The following SLC23A2 variants were observed in gnomAD, a reference collection of about 807,000 sequenced individuals.
SLC23A2 encodes Na(+)/L-ascorbic acid transporter 2.
A neutral mutation model predicts 73.3 loss-of-function variants in SLC23A2; 36 were observed. That is an observed-to-expected ratio of 0.49 (90% confidence interval 0.38 to 0.65). The LOEUF (loss-of-function observed/expected upper bound fraction) is 0.65. Ranked by LOEUF, SLC23A2 falls within the 30% of genes least tolerant of loss-of-function variation. The pLI is 0.00. For synonymous variants in SLC23A2, 343 were observed against 327.3 expected, an observed-to-expected ratio of 1.05 and a Z score of -0.52; for missense variants, 507 against 841.6, an observed-to-expected ratio of 0.60 and a Z score of 4.92.
intron 2 of SLC23A2, among the ~76,000 whole-genome samples, chr20:4,949,388 C>A (rs576808024): frequency 6.6e-6 from 1 of 151,672 alleles, no homozygotes; most frequent in African/African-American, 2.4e-5. Context: ...TTACTTACAT[C>A]GTTTTTACTT....
chr20:4,989,715 AC>A (rs1329030221), intron 1 of SLC23A2, among the ~76,000 whole-genome samples: 1 of 151,984 alleles, frequency 6.6e-6, no homozygotes, highest in Non-Finnish European at 1.5e-5. Flanking sequence ...TTTGACTGCA[AC>A]CCATGACATG....
rs559680581 is a variant in SLC23A2, at chr20:4,947,169, G to A, written c.-154-14453C>T. 4.9e-4 allele frequency among the ~76,000 whole-genome samples: 75 copies of A among 152,092 alleles called. No homozygotes were observed. Among genetic ancestry groups the A allele is most frequent in the African/African-American group, 1.8e-3 (74 of 41,496 alleles). On this transcript the variant is annotated intron_variant, in intron 2 of 16. Transcript: ENST00000338244. This position sits in a 1 kb window ranked among gnomAD's most constrained non-coding sequence, Gnocchi z 4.4. ...TTCCATGGTTCCCAGCTTCCTGTCC[G>A]CTCCCCACCAGAATGAGATGGCAGC...
intron 1 of SLC23A2, among the ~76,000 whole-genome samples, chr20:5,009,557 T>C (rs2088226057): frequency 6.6e-6 from 1 of 152,214 alleles, no homozygotes; most frequent in African/African-American, 2.4e-5. Context: ...TTTAATTCTG[T>C]ATGCCAGCTC....
At chr20:4,897,470 G>T (rs1158287250) in intron 6 of SLC23A2, among the ~76,000 whole-genome samples, 2 of 152,202 alleles carry the variant, frequency 1.3e-5, no homozygotes, top group Non-Finnish European at 2.9e-5. Flanking sequence ...CTTTCACCCA[G>T]CCTTGTGGGC....
chr20:4,870,383 C>T (rs990156822), intron 11 of SLC23A2, among the ~76,000 whole-genome samples: 1 of 152,122 alleles, frequency 6.6e-6, no homozygotes, highest in Non-Finnish European at 1.5e-5. Context: ...TCGAGACCAG[C>T]CTGGCCAACA....
chr20:4,870,037 G>C lies in SLC23A2; in HGVS notation c.1119C>G (p.Pro373=). 1 of 1,609,728 alleles carries C rather than the reference G, an allele frequency of 6.2e-7. No individual in the cohort carries two copies. Among genetic ancestry groups the C allele is most frequent in the Non-Finnish European group, 8.5e-7 (1 of 1,177,848 alleles). ...CGATGACACCGGCCGCAGACACGGT[G>C]GGCAGTCCCCACTGAACTGTGGGAG... ...KVPYPFQWGL[P]TVSAAGVIGM... The change falls in exon 12 of 17, where the codon CCC becomes CCG. Residue 373 remains proline, a synonymous_variant. Transcript: ENST00000338244.
chr20:4,946,096 A>C (rs1380108531), intron 2 of SLC23A2, among the ~76,000 whole-genome samples: 2 of 152,210 alleles, frequency 1.3e-5, no homozygotes, highest in African/African-American at 4.8e-5. Context: ...GTGCCATCTC[A>C]GCCTTCTGTC....
chr20:4,967,368 A>T (rs1323943649), intron 2 of SLC23A2, among the ~76,000 whole-genome samples: 1 of 152,180 alleles, frequency 6.6e-6, no homozygotes, highest in East Asian at 1.9e-4. Context: ...CAACACTAAC[A>T]TGTTGATTTT....
At chr20:4,905,172 A>G (rs918670563) in intron 4 of SLC23A2, among the ~76,000 whole-genome samples, 1 of 151,820 alleles carries the variant, frequency 6.6e-6, no homozygotes, top group African/African-American at 2.4e-5. Context: ...GTTAAGATGT[A>G]CACACAGGCG....
chr20:4,940,764 G>A lies in SLC23A2; in HGVS notation c.-154-8048C>T, dbSNP rs550889570. ...ACAAATACTGCATGATTCCACTTAC[G>A]TGAGGCGTCTAAAATAGTCAAATGC... is the stretch of plus-strand genomic sequence containing the variant. On this transcript the variant is annotated intron_variant, in intron 2 of 16. Transcript: ENST00000338244. Among the ~76,000 whole-genome samples, 241 of 152,284 alleles carry A rather than the reference G, an allele frequency of 1.6e-3. 2 individuals are homozygous for A. Among genetic ancestry groups the A allele is most frequent in the Non-Finnish European group, 2.9e-3 (200 of 68,032 alleles).
chr20:4,862,155 G>A lies in SLC23A2; in HGVS notation c.1487-70C>T, dbSNP rs1264986287. 2 of 1,512,616 alleles carry A rather than the reference G, an allele frequency of 1.3e-6. No homozygotes were observed. The highest frequency in any genetic ancestry group is 1.8e-6 in the Non-Finnish European group (2 of 1,101,180). The allele number at this position is 1,512,616 out of a possible 1,614,324, so 93.7% of individuals were successfully genotyped here. A position where few individuals can be genotyped will look rare whatever the true frequency, so the allele number is the denominator to read the frequency against. ...CGGGGACAGCTCAAGGCAGGTGAGG[G>A]CAGGCTCCCTGGCACCCCTTCTCTG... On this transcript the variant is annotated intron_variant, in intron 14 of 16. Transcript: ENST00000338244. This position sits in a 1 kb window ranked among gnomAD's most constrained non-coding sequence, Gnocchi z 5.1.
At chr20:4,952,814 G>T (rs565021338) in intron 2 of SLC23A2, among the ~76,000 whole-genome samples, 5 of 149,040 alleles carry the variant, frequency 3.4e-5, no homozygotes, top group Non-Finnish European at 7.4e-5. Context: ...CACGAGGTCA[G>T]GAGTTCAAGA....
At chr20:4,973,469 A>ACTTG (rs2122231092) in intron 1 of SLC23A2, among the ~76,000 whole-genome samples, 1 of 134,740 alleles carries the variant, frequency 7.4e-6, no homozygotes, top group Admixed American at 7.7e-5. Flanking sequence ...GGAAGGACTT[A>ACTTG]ACTACTGCAC....
At position 4,863,443 on chromosome 20, in the gene SLC23A2, G is replaced by A. The variant is rs116101576; in HGVS notation, c.1357-536C>T. On this transcript the variant is annotated intron_variant, in intron 13 of 16. Coordinates refer to ENST00000338244, the MANE Select transcript of SLC23A2 (RefSeq NM_005116.6). This position sits in a 1 kb window ranked among gnomAD's most constrained non-coding sequence, Gnocchi z 4.8. ...TCTGACTGTATGGTCGGGCCGACCCGTAGCCTCTAGAGTCTCAGGATCTTC... is the reference window on the plus strand; with the variant it reads ...TCTGACTGTATGGTCGGGCCGACCCATAGCCTCTAGAGTCTCAGGATCTTC... 3.9e-5 allele frequency among the ~76,000 whole-genome samples: 6 copies of A among 152,322 alleles called. No homozygotes were observed. The South Asian group carries it at 1.0e-3, about 26-fold the overall frequency.
rs1929784513 is a variant in SLC23A2 at position 4,857,745 on chromosome 20, A to G, written c.1721-541T>C. Among the ~76,000 whole-genome samples, 1 of 152,128 alleles carries G rather than the reference A, an allele frequency of 6.6e-6. No homozygotes were observed. The highest frequency in any genetic ancestry group is 2.4e-5 in the African/African-American group (1 of 41,412). ...CAGGAGTTCGAGACCAGCCTAGCCA[A>G]CATGGTGAAATCCCGTCCCCACTCA... On this transcript the variant is annotated intron_variant, in intron 16 of 16. Coordinates refer to ENST00000338244, the MANE Select transcript of SLC23A2 (RefSeq NM_005116.6). The surrounding 1 kb of genome is among the most constrained non-coding windows in gnomAD (Gnocchi z 4.0).
chr20:4,984,266 C>T (rs953385533), intron 1 of SLC23A2, among the ~76,000 whole-genome samples: 1 of 151,772 alleles, frequency 6.6e-6, no homozygotes, highest in African/African-American at 2.4e-5. Context: ...TAGCAAGACC[C>T]AGTCTCGGCC....
At chr20:4,961,846 G>A (rs72552372) in intron 2 of SLC23A2, among the ~76,000 whole-genome samples, 10 of 152,280 alleles carry the variant, frequency 6.6e-5, no homozygotes, top group Non-Finnish European at 1.5e-4. Flanking sequence ...GGAGCGAAAA[G>A]CAGTTCTCAT....
chr20:4,943,827 G>A (rs925104180), intron 2 of SLC23A2, among the ~76,000 whole-genome samples: 1 of 152,180 alleles, frequency 6.6e-6, no homozygotes, highest in African/African-American at 2.4e-5. Context: ...TCCATCAAAA[G>A]GCATGCTAGT....
chr20:4,854,848 C>T lies in SLC23A2; in HGVS notation c.*2124G>A, dbSNP rs1929657557. ...TCAGGCTTTTATTTGGATATTTGGTCTTTCTGCTCACCTGGAGAGCTAGAA... is the reference window on the plus strand; with the variant it reads ...TCAGGCTTTTATTTGGATATTTGGTTTTTCTGCTCACCTGGAGAGCTAGAA... On this transcript the variant is annotated 3_prime_UTR_variant, in exon 17 of 17. Transcript: ENST00000338244. 2 of 152,210 alleles carry T rather than the reference C, an allele frequency of 1.3e-5. No homozygotes were observed. The highest frequency in any genetic ancestry group is 1.5e-5 in the Non-Finnish European group (1 of 68,042). The allele number at this position is 152,210 out of a possible 1,614,324, so 9.4% of individuals were successfully genotyped here. A position where few individuals can be genotyped will look rare whatever the true frequency, so the allele number is the denominator to read the frequency against.
Sources: gnomAD v4.1 joint callset for allele counts (sites outside exome capture counted in the v4.1 genomes callset) on GRCh38, gnomAD v4.1.1 for gene constraint, Gnocchi (gnomAD v3.1) non-coding constraint, MANE v1.5 for transcripts, NCBI Gene and HGNC (gene_info 2026-07-23, HGNC 2026-07-21) for gene names.